The following APP variants were observed in gnomAD, a reference collection of about 807,000 sequenced individuals.
APP encodes amyloid beta precursor protein.
APP carries 31 observed loss-of-function variants against 101.4 expected under a neutral mutation model. The observed-to-expected ratio is 0.31, with a 90% CI of 0.23 to 0.41. The LOEUF (loss-of-function observed/expected upper bound fraction) is 0.41. Ranked by LOEUF, APP falls within the 10% of genes least tolerant of loss-of-function variation. The pLI is 1.00. For missense variants in APP, 839 were observed against 1,003.7 expected, an observed-to-expected ratio of 0.84 and a Z score of 2.22; for synonymous variants, 366 against 364.4, an observed-to-expected ratio of 1.00 and a Z score of -0.05.
intron 13 of APP, 25 bp from the exon 14 acceptor site, chr21:25,911,987 T>C (rs2039099469): frequency 6.3e-7 from 1 of 1,575,952 alleles, no homozygotes; most frequent in African/African-American, 1.3e-5. Flanking sequence ...ACCATCTCTT[T>C]GGTGAGTAAC....
Position 25,944,349 on chromosome 21 carries a change from C to T in APP, c.1687+10241G>A, listed in dbSNP as rs557765252. Among the ~76,000 whole-genome samples the T allele has an allele frequency of 1.4e-4, 21 of 152,220 alleles. 1 individual carries two copies. The highest frequency in any genetic ancestry group is 3.9e-4 in the African/African-American group (16 of 41,536). ...CACCAAGTCAACATTCCTTTGGACA[C>T]GTCTCATAACTTGGAACCGGTTAAT... On this transcript the variant is annotated intron_variant, in intron 13 of 17. Coordinates refer to ENST00000346798, the MANE Select transcript of APP (RefSeq NM_000484.4).
intron 15 of APP, 31 bp from the exon 16 acceptor site, chr21:25,897,704 A>G: frequency 6.4e-7 from 1 of 1,550,884 alleles, no homozygotes; most frequent in East Asian, 2.2e-5. Context: ...AGTATGCAGG[A>G]CAACCAATTA....
intron 2 of APP, among the ~76,000 whole-genome samples, chr21:26,096,612 G>T (rs556189529): frequency 6.6e-6 from 1 of 152,188 alleles, no homozygotes; most frequent in East Asian, 1.9e-4. Flanking sequence ...CTGAGCCACA[G>T]GTGGCATGTC....
At chr21:26,140,519 G>A (rs979254072) in intron 1 of APP, 6 of 417,126 alleles carry the variant, frequency 1.4e-5, no homozygotes, top group African/African-American at 1.2e-4. Flanking sequence ...AAAGCCAAGT[G>A]TCAGGGGCTG....
chr21:26,017,087 T>C (rs1223980892), intron 6 of APP, among the ~76,000 whole-genome samples: 1 of 150,056 alleles, frequency 6.7e-6, no homozygotes, highest in Non-Finnish European at 1.5e-5. Flanking sequence ...TAGTCCCAGC[T>C]ACTCGGGAGG....
At chr21:26,167,215 A>T (rs894275383) in intron 1 of APP, among the ~76,000 whole-genome samples, 18 of 152,214 alleles carry the variant, frequency 1.2e-4, no homozygotes, top group African/African-American at 4.1e-4. Context: ...TTTTATTATC[A>T]TGTGCATGTT....
Position 25,901,295 on chromosome 21 carries a change from TTAAAAA to T in APP, c.1964-3628_1964-3623del, listed in dbSNP as rs1437033987. Among the ~76,000 whole-genome samples the T allele has an allele frequency of 1.2e-4, 9 of 75,260 alleles. 1 individual carries two copies. Among genetic ancestry groups the T allele is most frequent in the East Asian group, 6.0e-4 (2 of 3,358 alleles). The allele number at this position is 75,260 out of a possible 152,430, so 49.4% of individuals were successfully genotyped here. A position where few individuals can be genotyped will look rare whatever the true frequency, so the allele number is the denominator to read the frequency against. ...CCTGGAAACAGAGACAAATCCTGTTTTAAAAAAAAAAAAAAAAAAAAAACAAAACCA... is the reference window on the plus strand; with the variant it reads ...CCTGGAAACAGAGACAAATCCTGTTTAAAAAAAAAAAAAAAAACAAAACCA... On this transcript the variant is annotated intron_variant, in intron 15 of 17. Transcript: ENST00000346798.
At chr21:26,114,671 C>T (rs2062397104) in intron 1 of APP, among the ~76,000 whole-genome samples, 1 of 152,140 alleles carries the variant, frequency 6.6e-6, no homozygotes. Flanking sequence ...ATCACCCTAC[C>T]TGACAAACCA....
intron 1 of APP, among the ~76,000 whole-genome samples, chr21:26,120,995 C>T (rs1307503695): frequency 6.6e-6 from 1 of 152,196 alleles, no homozygotes; most frequent in Non-Finnish European, 1.5e-5. Flanking sequence ...TAGGCTCCCG[C>T]CCAGCCCTCT....
chr21:26,118,610 C>T (rs1373574385), intron 1 of APP, among the ~76,000 whole-genome samples: 2 of 152,068 alleles, frequency 1.3e-5, no homozygotes, highest in South Asian at 2.1e-4. Flanking sequence ...TGGAGTGCAG[C>T]GGGGTGATCT....
At chr21:26,089,267 G>C (rs1173145591) in intron 3 of APP, among the ~76,000 whole-genome samples, 1 of 152,120 alleles carries the variant, frequency 6.6e-6, no homozygotes. Context: ...TAATAACCAA[G>C]TTAGATTAAA....
intron 5 of APP, among the ~76,000 whole-genome samples, chr21:26,044,839 G>A (rs1200170869): frequency 6.6e-6 from 1 of 152,158 alleles, no homozygotes; most frequent in Non-Finnish European, 1.5e-5. Flanking sequence ...GCGCCCGGCT[G>A]AGCAATGTAT....
In APP at chr21:25,881,721, C is replaced by A. The variant is rs767682190; in HGVS notation, c.2262G>T (p.Gln754His). The change falls in exon 18 of 18, where the codon CAG (glutamine) becomes CAT (histidine). Residue 754 changes from glutamine (Q) to histidine (H), a missense_variant. Transcript: ENST00000346798. ...TGTAGGTTGGATTTTCGTAGCCGTT[C>A]TGCTGCATCTTGGACAGGTGGCGCT... is the stretch of plus-strand genomic sequence containing the variant. ...PEERHLSKMQ[Q>H]NGYENPTYKF... 1 of 1,614,032 alleles carries A rather than the reference C, an allele frequency of 6.2e-7. No homozygotes were observed. Among genetic ancestry groups the A allele is most frequent in the Non-Finnish European group, 8.5e-7 (1 of 1,180,036 alleles).
At chr21:26,109,556 T>C (rs940588168) in intron 2 of APP, among the ~76,000 whole-genome samples, 4 of 152,196 alleles carry the variant, frequency 2.6e-5, no homozygotes, top group African/African-American at 2.4e-5. Context: ...AAACCTCTTT[T>C]CTTTATAAAT....
At chr21:26,164,448 G>A (rs2063564057) in intron 1 of APP, among the ~76,000 whole-genome samples, 1 of 152,126 alleles carries the variant, frequency 6.6e-6, no homozygotes, top group South Asian at 2.1e-4. Flanking sequence ...TATTCGTTTT[G>A]CTAGCAAAGA....
chr21:25,907,135 C>T (rs557481681), intron 14 of APP, among the ~76,000 whole-genome samples: 3 of 151,596 alleles, frequency 2.0e-5, no homozygotes, highest in East Asian at 1.9e-4. Context: ...TGCCTCTCCC[C>T]GCTCTTCTTC....
chr21:25,959,793 G>C (rs2041498701), intron 11 of APP, among the ~76,000 whole-genome samples: 1 of 152,170 alleles, frequency 6.6e-6, no homozygotes, highest in South Asian at 2.1e-4. Flanking sequence ...TTAAAGTTAG[G>C]CTTTTGTGAC....
chr21:25,985,292 G>A (rs1601116238), intron 8 of APP, among the ~76,000 whole-genome samples: 1 of 152,270 alleles, frequency 6.6e-6, no homozygotes, highest in East Asian at 1.9e-4. Context: ...GCCGCAAGGT[G>A]CCCAGATTAA....
intron 5 of APP, among the ~76,000 whole-genome samples, chr21:26,032,559 G>T (rs1448647960): frequency 6.6e-6 from 1 of 151,988 alleles, no homozygotes; most frequent in Non-Finnish European, 1.5e-5. Flanking sequence ...CTTTAACATG[G>T]GATGGAAATA....
Sources: gnomAD v4.1 joint callset for allele counts (sites outside exome capture counted in the v4.1 genomes callset) on GRCh38, gnomAD v4.1.1 for gene constraint, MANE v1.5 for transcripts, NCBI Gene and HGNC (gene_info 2026-07-23, HGNC 2026-07-21) for gene names.